NALF1: variants seen among roughly 807,000 people sequenced by gnomAD.
NALF1 encodes the protein family with sequence similarity 155 member A.
A neutral mutation model predicts 48.4 loss-of-function variants in NALF1; 3 were observed. The observed-to-expected ratio is 0.06, with a 90% CI of 0.03 to 0.16. NALF1 has a LOEUF of 0.16. Ranked by LOEUF, NALF1 falls within the 10% of genes least tolerant of loss-of-function variation. NALF1 has a pLI of 1.00. For synonymous variants in NALF1, 262 were observed against 245.7 expected (o/e 1.07, Z -0.62); for missense variants, 526 against 571.5 (o/e 0.92, Z 0.81).
Position 107,191,831 on chromosome 13 carries a change from C to T in NALF1, c.1087+18753G>A, listed in dbSNP as rs1252817314. Among the ~76,000 whole-genome samples, 6 of 93,564 alleles carry T rather than the reference C, an allele frequency of 6.4e-5. No homozygotes were observed. The Admixed American group carries it at 6.8e-4, about 11-fold the overall frequency. The allele number at this position is 93,564 out of a possible 152,430, so 61.4% of individuals were successfully genotyped here. A position where few individuals can be genotyped will look rare whatever the true frequency, so the allele number is the denominator to read the frequency against. ...GGATTACAGGCTTGTGCCACTATGC[C>T]TATTTTTTTTTTTTTTTTTTTTGTA... is the stretch of plus-strand genomic sequence containing the variant. On this transcript the variant is annotated intron_variant, in intron 2 of 2. Transcript: ENST00000375915.
chr13:107,654,881 G>C (rs2138470949), intron 1 of NALF1, among the ~76,000 whole-genome samples: 1 of 152,056 alleles, frequency 6.6e-6, no homozygotes, highest in African/African-American at 2.4e-5. Context: ...CACCTAAATG[G>C]AATTAAAAAC....
At chr13:107,276,298 C>T (rs1027724533) in intron 1 of NALF1, among the ~76,000 whole-genome samples, 1 of 152,160 alleles carries the variant, frequency 6.6e-6, no homozygotes, top group African/African-American at 2.4e-5. Flanking sequence ...AGCTACTAAA[C>T]ACATAACTTC....
chr13:107,251,841 T>A (rs573968910), intron 1 of NALF1, among the ~76,000 whole-genome samples: 4 of 152,312 alleles, frequency 2.6e-5, no homozygotes, highest in Non-Finnish European at 5.9e-5. Flanking sequence ...AATGTGGAGA[T>A]TTTTATTTCT....
intron 1 of NALF1, among the ~76,000 whole-genome samples, chr13:107,721,827 G>A (rs562069668): frequency 5.9e-5 from 9 of 152,230 alleles, no homozygotes; most frequent in East Asian, 3.9e-4. Context: ...ACTGCAGCGC[G>A]GTGAGGAGAT....
chr13:107,348,036 C>A (rs1455712271), intron 1 of NALF1, among the ~76,000 whole-genome samples: 3 of 152,204 alleles, frequency 2.0e-5, no homozygotes, highest in Non-Finnish European at 4.4e-5. Context: ...TGGACGTTTT[C>A]CCCAAGGCAT....
chr13:107,672,852 C>T (rs917157811), intron 1 of NALF1, among the ~76,000 whole-genome samples: 5 of 152,254 alleles, frequency 3.3e-5, no homozygotes, highest in Non-Finnish European at 2.9e-5. Flanking sequence ...GTCCCCAACA[C>T]GATGCTCATC....
chr13:107,581,145 G>T (rs574130602), intron 1 of NALF1, among the ~76,000 whole-genome samples: 33 of 152,228 alleles, frequency 2.2e-4, no homozygotes, highest in African/African-American at 7.5e-4. Flanking sequence ...TTCCTCGGAC[G>T]CATTTTGATT....
intron 1 of NALF1, among the ~76,000 whole-genome samples, chr13:107,842,950 A>G (rs919652815): frequency 2.6e-5 from 4 of 152,122 alleles, no homozygotes; most frequent in African/African-American, 7.2e-5. Context: ...GTTCTCCTCA[A>G]TAAGAGGATC....
intron 1 of NALF1, among the ~76,000 whole-genome samples, chr13:107,545,645 C>T (rs547161979): frequency 1.3e-5 from 2 of 152,110 alleles, no homozygotes; most frequent in South Asian, 2.1e-4. Context: ...AAGCAGGAAC[C>T]AGCATGGTCT....
rs1421765053 is a variant in NALF1, at chr13:107,184,187, A to G, written c.1088-13401T>C. 2.0e-5 allele frequency among the ~76,000 whole-genome samples: 3 copies of G among 152,108 alleles called. No individual in the cohort carries two copies. In the East Asian group the frequency reaches 5.8e-4, roughly 29 times the overall value. On this transcript the variant is annotated intron_variant, in intron 2 of 2. Coordinates refer to ENST00000375915, the MANE Select transcript of NALF1 (RefSeq NM_001080396.3). ...CCAGAACTTAAAAGTGTAATAAAAA[A>G]AAAAAAGAGAAATCTGACATCCGTG... is the stretch of plus-strand genomic sequence containing the variant.
At chr13:107,625,594 A>G (rs959364384) in intron 1 of NALF1, among the ~76,000 whole-genome samples, 7 of 152,090 alleles carry the variant, frequency 4.6e-5, no homozygotes, top group African/African-American at 1.4e-4. Flanking sequence ...CATGCTTGAA[A>G]AATAAGTTAT....
chr13:107,780,281 A>G (rs550859143), intron 1 of NALF1, among the ~76,000 whole-genome samples: 2 of 151,726 alleles, frequency 1.3e-5, no homozygotes, highest in Non-Finnish European at 2.9e-5. Flanking sequence ...CTCCCACCCA[A>G]CTAAACACTT....
At chr13:107,339,471 G>A (rs983517188) in intron 1 of NALF1, among the ~76,000 whole-genome samples, 2 of 152,016 alleles carry the variant, frequency 1.3e-5, no homozygotes, top group African/African-American at 4.8e-5. Context: ...TGAGATAGGG[G>A]CCTGCAAATT....
chr13:107,188,953 ACTGAC>A (rs1447698315), intron 2 of NALF1, among the ~76,000 whole-genome samples: 8 of 152,266 alleles, frequency 5.3e-5, no homozygotes, highest in Admixed American at 5.2e-4. Flanking sequence ...AAAAGGCCAT[ACTGAC>A]CTGATTATGC....
intron 1 of NALF1, among the ~76,000 whole-genome samples, chr13:107,331,490 T>C (rs998949389): frequency 2.0e-5 from 3 of 152,174 alleles, no homozygotes; most frequent in African/African-American, 7.2e-5. Context: ...TCCACAAAAA[T>C]TAAGTATTAG....
intron 1 of NALF1, among the ~76,000 whole-genome samples, chr13:107,770,661 A>C (rs16971084): frequency 0.04 from 6,027 of 152,258 alleles, 148 homozygotes; most frequent in African/African-American, 0.066. Flanking sequence ...TCCAAAATGC[A>C]GGGTTTACTA....
At chr13:107,532,559 A>T (rs908848179) in intron 1 of NALF1, among the ~76,000 whole-genome samples, 5 of 152,152 alleles carry the variant, frequency 3.3e-5, no homozygotes, top group African/African-American at 1.2e-4. Flanking sequence ...AGTGTGGTAT[A>T]GTCCAAAATC....
chr13:107,537,594 A>T (rs546761957), intron 1 of NALF1, among the ~76,000 whole-genome samples: 60 of 152,286 alleles, frequency 3.9e-4, no homozygotes, highest in African/African-American at 1.4e-3. Flanking sequence ...GGGACCATCC[A>T]GACAATAAGA....
chr13:107,648,863 A>G (rs891287586), intron 1 of NALF1, among the ~76,000 whole-genome samples: 7 of 152,198 alleles, frequency 4.6e-5, no homozygotes, highest in African/African-American at 1.7e-4. Flanking sequence ...ATTGTTTCCA[A>G]TCTTAGGCAT....
Sources: allele counts gnomAD v4.1 joint callset (sites outside exome capture counted in the v4.1 genomes callset), GRCh38; gene constraint gnomAD v4.1.1; transcripts MANE v1.5; gene names NCBI Gene and HGNC (gene_info 2026-07-23, HGNC 2026-07-21).